Variants in PCDH7 observed in about 807,000 individuals in gnomAD.
PCDH7 encodes the protein protocadherin 7.
A neutral mutation model predicts 58.9 loss-of-function variants in PCDH7; 17 were observed. That is an observed-to-expected ratio of 0.29 (90% confidence interval 0.20 to 0.43). The LOEUF is 0.43. Among genes scored for constraint, PCDH7 ranks in the 20% least tolerant of loss-of-function variants. PCDH7 has a pLI of 1.00. For missense variants in PCDH7, 1,274 were observed against 1,441.0 expected (o/e 0.88, Z 1.88); for synonymous variants, 664 against 616.4 (o/e 1.08, Z -1.14).
intron 3 of PCDH7, among the ~76,000 whole-genome samples, chr4:31,014,429 T>C (rs1393894565): frequency 6.6e-6 from 1 of 152,106 alleles, no homozygotes; most frequent in African/African-American, 2.4e-5. Context: ...ATTGAGATTT[T>C]AGATAGGAAA....
chr4:31,066,755 C>T (rs1333444722), intron 3 of PCDH7, among the ~76,000 whole-genome samples: 3 of 151,800 alleles, frequency 2.0e-5, no homozygotes. Flanking sequence ...TGGAGAGTAC[C>T]ATCTGTGGTA....
In PCDH7 at chr4:30,721,779, C is replaced by T; in HGVS notation, c.357C>T (p.Pro119=). The T allele has an allele frequency of 1.2e-6, 2 of 1,613,612 alleles. No homozygotes were observed. The highest frequency in any genetic ancestry group is 1.7e-6 in the Non-Finnish European group (2 of 1,179,904). Residue 119 remains proline (P), a synonymous_variant, in exon 1 of 2, where the codon CCC becomes CCT. Transcript: ENST00000361762. This position sits in a 1 kb window ranked among gnomAD's most constrained non-coding sequence, Gnocchi z 6.7. ...ACTTCGAGGTGTCGGTGATCGGGCC[C>T]TCGCAGAGCTGGGTGGACCTGTTTG...
chr4:31,132,757 A>G lies in PCDH7; in HGVS notation c.*8-9716A>G, dbSNP rs146962376. The stretch of plus-strand genomic sequence containing the variant: ...TTGTTCTTATTTGGACTTCTGTGAT[A>G]ACAAGAACTGATTTTACTTCTTATG... On this transcript the variant is annotated intron_variant, in intron 3 of 3. Transcript: ENST00000509759. Among the ~76,000 whole-genome samples the G allele has an allele frequency of 4.6e-4, 70 of 152,300 alleles. 1 individual carries two copies. In the Middle Eastern group the frequency reaches 0.01, roughly 22 times the overall value.
chr4:30,749,142 A>G (rs1486175945), intron 1 of PCDH7, among the ~76,000 whole-genome samples: 4 of 152,240 alleles, frequency 2.6e-5, no homozygotes, highest in African/African-American at 4.8e-5. Flanking sequence ...TGAATCCAAG[A>G]TAATGTCTCC....
chr4:30,778,981 T>C (rs1175443147), intron 1 of PCDH7, among the ~76,000 whole-genome samples: 1 of 149,144 alleles, frequency 6.7e-6, no homozygotes, highest in Non-Finnish European at 1.5e-5. Context: ...TAAAGAATGA[T>C]TCCAAATGGC....
At chr4:30,795,201 G>A (rs981660100) in intron 1 of PCDH7, among the ~76,000 whole-genome samples, 1 of 152,002 alleles carries the variant, frequency 6.6e-6, no homozygotes, top group East Asian at 1.9e-4. Flanking sequence ...GGCTGGACTC[G>A]AACTCCTGGG....
chr4:30,808,336 TG>T (rs1304661591), intron 1 of PCDH7, among the ~76,000 whole-genome samples: 2 of 152,212 alleles, frequency 1.3e-5, no homozygotes, highest in African/African-American at 4.8e-5. Context: ...GCTTCTTTAT[TG>T]GCAAATAAAA....
chr4:31,121,386 T>C (rs1391189834), intron 3 of PCDH7, among the ~76,000 whole-genome samples: 2 of 152,224 alleles, frequency 1.3e-5, no homozygotes, highest in African/African-American at 2.4e-5. Flanking sequence ...ACTGTAGAGA[T>C]ACAAATTAGA....
chr4:30,772,867 A>G (rs1043245858), intron 1 of PCDH7, among the ~76,000 whole-genome samples: 7 of 152,198 alleles, frequency 4.6e-5, no homozygotes, highest in Non-Finnish European at 8.8e-5. Flanking sequence ...TTCCTTTATC[A>G]AATAAATGCT....
chr4:30,998,935 A>C (rs1752128622), intron 3 of PCDH7, among the ~76,000 whole-genome samples: 1 of 152,204 alleles, frequency 6.6e-6, no homozygotes, highest in South Asian at 2.1e-4. Flanking sequence ...ATTAAATGTC[A>C]GGAATTGGTC....
chr4:30,857,568 T>G (rs1454631256), intron 1 of PCDH7, among the ~76,000 whole-genome samples: 1 of 152,130 alleles, frequency 6.6e-6, no homozygotes, highest in East Asian at 1.9e-4. Context: ...GGATCTTAGT[T>G]CTTGGAATGT....
chr4:30,771,537 T>C (rs944823661), intron 1 of PCDH7, among the ~76,000 whole-genome samples: 1 of 152,178 alleles, frequency 6.6e-6, no homozygotes, highest in Non-Finnish European at 1.5e-5. Context: ...ACCTAAAATC[T>C]ATTCTCCTCC....
chr4:30,913,114 C>G (rs1041823374), intron 1 of PCDH7, among the ~76,000 whole-genome samples: 1 of 151,268 alleles, frequency 6.6e-6, no homozygotes, highest in African/African-American at 2.4e-5. Flanking sequence ...ATAGGTAACA[C>G]CTGTGAATGT....
intron 1 of PCDH7, among the ~76,000 whole-genome samples, chr4:30,840,060 G>A (rs914588556): frequency 2.0e-5 from 3 of 151,184 alleles, no homozygotes; most frequent in East Asian, 1.9e-4. Context: ...GTGTGGTTTT[G>A]TAACTGTTTG....
At chr4:30,795,660 C>T (rs1187587430) in intron 1 of PCDH7, among the ~76,000 whole-genome samples, 2 of 152,116 alleles carry the variant, frequency 1.3e-5, no homozygotes, top group African/African-American at 4.8e-5. Context: ...GATTTTAAAC[C>T]CTAATTTCCC....
At chr4:30,884,482 G>A (rs1560466353) in intron 1 of PCDH7, 1 of 152,172 alleles carries the variant, frequency 6.6e-6, no homozygotes, top group Non-Finnish European at 1.5e-5. Context: ...TGCATAGTAT[G>A]AGAGTGAGGA....
intron 3 of PCDH7, among the ~76,000 whole-genome samples, chr4:31,120,446 T>A: frequency 6.7e-6 from 1 of 149,536 alleles, no homozygotes; most frequent in Non-Finnish European, 1.5e-5. Flanking sequence ...TTTTTCTTTT[T>A]TTTTTTTTTT....
At chr4:31,051,817 C>T (rs1756753096) in intron 3 of PCDH7, among the ~76,000 whole-genome samples, 1 of 138,784 alleles carries the variant, frequency 7.2e-6, no homozygotes, top group Non-Finnish European at 1.5e-5. Flanking sequence ...AAAACCAAAG[C>T]ATTGTTGGGT....
intron 3 of PCDH7, among the ~76,000 whole-genome samples, chr4:31,120,505 A>G (rs1560242624): frequency 1.4e-5 from 2 of 144,790 alleles, no homozygotes; most frequent in Non-Finnish European, 3.0e-5. Flanking sequence ...AAAATTAGGT[A>G]TAATGGAAAG....
Sources: gnomAD v4.1 joint callset for allele counts (sites outside exome capture counted in the v4.1 genomes callset) on GRCh38, gnomAD v4.1.1 for gene constraint, Gnocchi (gnomAD v3.1) non-coding constraint, MANE v1.5 for transcripts, NCBI Gene and HGNC (gene_info 2026-07-23, HGNC 2026-07-21) for gene names.